Variants in SLC11A2 observed in about 807,000 individuals in gnomAD.
SLC11A2 encodes the protein natural resistance-associated macrophage protein 2.
Under a neutral mutation model 68.0 loss-of-function variants are expected in SLC11A2, and 38 were observed. The ratio of observed to expected loss-of-function variants is 0.56; its 90% confidence interval spans 0.43 to 0.73. SLC11A2 has a LOEUF of 0.73. SLC11A2 is among the 30% of genes least tolerant of loss of function. SLC11A2 has a pLI of 0.00. For synonymous variants in SLC11A2, 242 were observed against 250.6 expected, an observed-to-expected ratio of 0.97 and a Z score of 0.32; for missense variants, 517 against 690.5, an observed-to-expected ratio of 0.75 and a Z score of 2.82.
chr12:50,994,661 T>A (rs1382937027), intron 10 of SLC11A2, 31 bp from the exon 11 acceptor site: 1 of 1,403,000 alleles, frequency 7.1e-7, no homozygotes, highest in East Asian at 2.3e-5. Flanking sequence ...ACAGCAACTT[T>A]TGTTTCAGAA....
At chr12:51,016,149 C>T (rs1383838612) in intron 1 of SLC11A2, among the ~76,000 whole-genome samples, 1 of 152,142 alleles carries the variant, frequency 6.6e-6, no homozygotes, top group African/African-American at 2.4e-5. Flanking sequence ...GCCTGTAATC[C>T]TAACACTTCG....
chr12:50,997,294 C>A (rs554508857), intron 8 of SLC11A2, among the ~76,000 whole-genome samples: 1 of 152,176 alleles, frequency 6.6e-6, no homozygotes, highest in East Asian at 1.9e-4. Context: ...CATCATAGGA[C>A]CAAGCAACAT....
At chr12:50,993,175 C>T (rs1941346625) in intron 11 of SLC11A2, 1 of 378,622 alleles carries the variant, frequency 2.6e-6, no homozygotes, top group African/African-American at 2.5e-5. Flanking sequence ...AGCTCCTAAA[C>T]CTCCATCTTA....
At chr12:50,960,551 C>T in the SLC11A2 span, among the ~76,000 whole-genome samples, 1 of 149,452 alleles carries the variant, frequency 6.7e-6, no homozygotes, top group South Asian at 2.2e-4. Context: ...AGATCAAATC[C>T]AGCTTGGTTC....
rs1423559404 is a variant in SLC11A2 at position 50,990,825 on chromosome 12, G to A, written c.1545C>T (p.Ser515=). Residue 515 remains serine (S), a synonymous_variant, in exon 15 of 16, where the codon AGC becomes AGT. Transcript: ENST00000262052. ...AGAACACAAAGCCCAGATAAGCCAC[G>A]CTGACCACAGCAGCCACCACATATA... ...VALYVVAAVV[S]VAYLGFVFYL... 6 of 1,613,940 alleles carry A rather than the reference G, an allele frequency of 3.7e-6. No homozygotes were observed. The highest frequency in any genetic ancestry group is 2.7e-5 in the African/African-American group (2 of 74,904).
chr12:50,982,545 T>C (rs1006943428), downstream of SLC11A2, among the ~76,000 whole-genome samples: 1 of 152,170 alleles, frequency 6.6e-6, no homozygotes, highest in Non-Finnish European at 1.5e-5. Context: ...GAGAATCACT[T>C]GAACCCAGGA....
rs1433872524 is a variant in SLC11A2, at chr12:50,992,743, A to AG, written c.1197+66_1197+67insC. The AG allele has an allele frequency of 9.8e-6, 13 of 1,328,694 alleles. No individual in the cohort carries two copies. In the East Asian group the frequency reaches 1.9e-4, roughly 20 times the overall value. The allele number at this position is 1,328,694 out of a possible 1,614,324, so 82.3% of individuals were successfully genotyped here. On this transcript the variant is annotated intron_variant, in intron 12 of 15. Coordinates refer to ENST00000262052, the MANE Select transcript of SLC11A2 (RefSeq NM_000617.3). ...GAGACTCCATCTCAAAAAAAAAAAAAAAAGAAGAAGAAGAAGAAGTAACAA... is the reference window on the plus strand; with the variant it reads ...GAGACTCCATCTCAAAAAAAAAAAAAGAAAGAAGAAGAAGAAGAAGTAACAA...
chr12:50,994,337 G>A (rs544353769), intron 11 of SLC11A2, among the ~76,000 whole-genome samples: 18 of 152,180 alleles, frequency 1.2e-4, no homozygotes, highest in Admixed American at 3.9e-4. Context: ...GTGAACCACC[G>A]CACCCGGCCT....
chr12:50,993,041 C>G, intron 11 of SLC11A2, 112 bp from the exon 12 acceptor site: 1 of 1,292,096 alleles, frequency 7.7e-7, no homozygotes, highest in Non-Finnish European at 1.1e-6. Flanking sequence ...ACCACCAACA[C>G]CAAGTGCTGT....
At chr12:50,984,705 C>G (rs534831384), downstream of SLC11A2, among the ~76,000 whole-genome samples, 1 of 152,248 alleles carries the variant, frequency 6.6e-6, no homozygotes, top group African/African-American at 2.4e-5. Context: ...CATAGAGGGC[C>G]CTGTCCATTC....
chr12:50,998,160 C>A (rs868794412), intron 8 of SLC11A2, among the ~76,000 whole-genome samples: 1 of 151,922 alleles, frequency 6.6e-6, no homozygotes. Context: ...CAGTTCAAGA[C>A]CAGCCTGGCC....
intron 1 of SLC11A2, among the ~76,000 whole-genome samples, chr12:51,017,204 T>C (rs796461535): frequency 1.3e-5 from 2 of 151,954 alleles, no homozygotes; most frequent in Admixed American, 6.6e-5. Context: ...ACAGCATTGT[T>C]TGTAGTATGA....
chr12:50,979,037 T>C (rs1054696409), downstream of SLC11A2, among the ~76,000 whole-genome samples: 20 of 152,308 alleles, frequency 1.3e-4, no homozygotes, highest in African/African-American at 4.6e-4. Context: ...CTTTTACAGA[T>C]TGACTCTATA....
chr12:51,002,155 C>T (rs1942303806), intron 5 of SLC11A2, among the ~76,000 whole-genome samples: 1 of 152,222 alleles, frequency 6.6e-6, no homozygotes, highest in African/African-American at 2.4e-5. Flanking sequence ...CAAGCCCAGC[C>T]TTGGCAACAT....
At chr12:50,995,583 A>G in intron 10 of SLC11A2, 46 bp downstream of exon 10, 1 of 1,597,930 alleles carries the variant, frequency 6.3e-7, no homozygotes, top group Non-Finnish European at 8.6e-7. Flanking sequence ...TGCAGTCTTC[A>G]CTTTACCCTC....
intron 3 of SLC11A2, among the ~76,000 whole-genome samples, chr12:51,007,080 C>T (rs917996868): frequency 4.6e-5 from 7 of 151,996 alleles, no homozygotes; most frequent in African/African-American, 1.5e-4. Flanking sequence ...ATCTTTAAAT[C>T]CACCTTTGAC....
intron 1 of SLC11A2, among the ~76,000 whole-genome samples, chr12:51,016,310 G>T (rs113643334): frequency 6.6e-6 from 1 of 152,136 alleles, no homozygotes; most frequent in South Asian, 2.1e-4. Flanking sequence ...ACTTTCGGAG[G>T]CTGAGGCAGG....
chr12:51,004,794 A>G lies in SLC11A2; in HGVS notation c.423T>C (p.Tyr141=), dbSNP rs1031793769. ...LHLAEVCHRQ[Y]PKVPRVILWL... is the part of the protein sequence containing the mutation. ...AGGACAATACATTGCTCACCTTGGG[A>G]TACTGACGGTGACATACTTCAGCAA... is the stretch of plus-strand genomic sequence containing the variant. The change falls in exon 5 of 16, where the codon TAT becomes TAC. Residue 141 remains tyrosine (Y), a synonymous_variant. Transcript: ENST00000262052. 6 of 1,613,842 alleles carry G rather than the reference A, an allele frequency of 3.7e-6. No homozygotes were observed. In the African/African-American group the frequency reaches 8.0e-5, roughly 22 times the overall value.
rs775918976 is a variant in SLC11A2 at position 51,005,293 on chromosome 12, G to T, written c.309+18C>A. 1 of 1,613,382 alleles carries T rather than the reference G, an allele frequency of 6.2e-7. No individual in the cohort carries two copies. Among genetic ancestry groups the T allele is most frequent in the South Asian group, 1.1e-5 (1 of 91,022 alleles). Reference sequence around the variant, plus strand: ...GTATTATGTGCTTAAAAGGACAGGGGTAGGACTAGATGTTCACCTTAAATC... The same window carrying T: ...GTATTATGTGCTTAAAAGGACAGGGTTAGGACTAGATGTTCACCTTAAATC... On this transcript the variant is annotated intron_variant, in intron 4 of 15. Transcript: ENST00000262052.
Sources: gnomAD v4.1 joint callset for allele counts (sites outside exome capture counted in the v4.1 genomes callset) on GRCh38, gnomAD v4.1.1 for gene constraint, MANE v1.5 for transcripts, NCBI Gene and HGNC (gene_info 2026-07-23, HGNC 2026-07-21) for gene names.